The following CSMD1 variants were observed in gnomAD, a reference collection of about 807,000 sequenced individuals.
CSMD1 encodes the protein CUB and sushi domain-containing protein 1.
In CSMD1, 213 loss-of-function variants were observed where a neutral mutation model predicts 417.5. The observed-to-expected ratio is 0.51, with a 90% CI of 0.46 to 0.57. The LOEUF (loss-of-function observed/expected upper bound fraction) is 0.57. Ranked by LOEUF, CSMD1 falls within the 20% of genes least tolerant of loss-of-function variation. CSMD1 has a pLI of 0.00. For missense variants in CSMD1, 6,923 were observed against 4,529.7 expected (o/e 1.53, Z -15.17); for synonymous variants, 2,862 against 1,736.8 (o/e 1.65, Z -16.11).
intron 1 of CSMD1, among the ~76,000 whole-genome samples, chr8:4,792,448 T>A (rs1797743382): frequency 6.6e-6 from 1 of 152,214 alleles, no homozygotes; most frequent in African/African-American, 2.4e-5. Flanking sequence ...AGTCTATCTT[T>A]GAACTCATCA....
intron 8 of CSMD1, among the ~76,000 whole-genome samples, chr8:3,602,971 C>T (rs1271224359): frequency 1.3e-5 from 2 of 152,120 alleles, no homozygotes; most frequent in African/African-American, 2.4e-5. Context: ...AATTACTTTT[C>T]TACTACAGAT....
At chr8:3,771,377 G>A (rs1798565044) in intron 5 of CSMD1, among the ~76,000 whole-genome samples, 1 of 152,118 alleles carries the variant, frequency 6.6e-6, no homozygotes, top group Non-Finnish European at 1.5e-5. Flanking sequence ...TTCACACTCT[G>A]CAAAAAGAGT....
At chr8:3,753,622 G>A (rs1265804754) in intron 6 of CSMD1, among the ~76,000 whole-genome samples, 1 of 152,146 alleles carries the variant, frequency 6.6e-6, no homozygotes, top group East Asian at 1.9e-4. Flanking sequence ...TAGCCAAACT[G>A]CTGTGGATAT....
intron 3 of CSMD1, among the ~76,000 whole-genome samples, chr8:4,140,762 C>T (rs34701631): frequency 6.6e-6 from 1 of 150,568 alleles, no homozygotes; most frequent in African/African-American, 2.5e-5. Flanking sequence ...ATCTCCTCCC[C>T]TCCAGCTTTG....
At chr8:3,967,025 A>G (rs1014504431) in intron 5 of CSMD1, among the ~76,000 whole-genome samples, 1 of 152,146 alleles carries the variant, frequency 6.6e-6, no homozygotes, top group South Asian at 2.1e-4. Context: ...AATAATCTCC[A>G]AGGCCGTTTT....
chr8:3,901,984 T>C (rs575238426), intron 5 of CSMD1, among the ~76,000 whole-genome samples: 10 of 152,288 alleles, frequency 6.6e-5, no homozygotes, highest in African/African-American at 2.4e-4. Flanking sequence ...TGGCTGTTTC[T>C]CTTATTCTTT....
intron 1 of CSMD1, among the ~76,000 whole-genome samples, chr8:4,983,187 A>G (rs188763683): frequency 1.8e-4 from 27 of 152,358 alleles, no homozygotes; most frequent in Admixed American, 1.8e-3. Context: ...AAAGCTAATT[A>G]TGTTGACAAG....
At chr8:4,814,896 T>C (rs187320260) in intron 1 of CSMD1, among the ~76,000 whole-genome samples, 9 of 152,320 alleles carry the variant, frequency 5.9e-5, no homozygotes, top group East Asian at 3.9e-4. Flanking sequence ...AAAAACTATA[T>C]AATCACAAAA....
In CSMD1 at chr8:4,836,376, G is replaced by T. The variant is rs191201570; in HGVS notation, c.85+157956C>A. 5.1e-4 allele frequency among the ~76,000 whole-genome samples: 78 copies of T among 152,262 alleles called. 1 individual carries two copies. The highest frequency in any genetic ancestry group is 1.0e-4 in the Non-Finnish European group (7 of 68,020). ...TCTATGTGGAGCCATGCCACATCTT[G>T]CTGACTGACACTGACGCCTCAGCTG... On this transcript the variant is annotated intron_variant, in intron 1 of 69. Transcript: ENST00000635120.
At chr8:3,406,400 A>C (rs1169979839) in intron 14 of CSMD1, among the ~76,000 whole-genome samples, 179 bp from the exon 15 acceptor site, 4 of 152,190 alleles carry the variant, frequency 2.6e-5, no homozygotes, top group Non-Finnish European at 5.9e-5. Flanking sequence ...ATCAGTGTCT[A>C]GTGAGAAAGA....
intron 3 of CSMD1, among the ~76,000 whole-genome samples, chr8:4,361,481 T>C (rs1006219062): frequency 4.6e-5 from 7 of 152,084 alleles, no homozygotes; most frequent in Admixed American, 2.0e-4. Flanking sequence ...CATTATTGCA[T>C]TTCCACTTTA....
intron 7 of CSMD1, among the ~76,000 whole-genome samples, chr8:3,619,143 G>C (rs76419404): frequency 0.53 from 79,247 of 149,882 alleles, 20,850 homozygotes; most frequent in Middle Eastern, 0.6. Flanking sequence ...GAGAAGATGA[G>C]GTTAGATTCT....
intron 37 of CSMD1, among the ~76,000 whole-genome samples, chr8:3,164,338 T>C (rs180868145): frequency 3.3e-5 from 5 of 152,316 alleles, no homozygotes; most frequent in Non-Finnish European, 7.4e-5. Flanking sequence ...TTTTTAGAAG[T>C]ATGAAGTACC....
chr8:4,272,543 C>T (rs147316588), intron 3 of CSMD1, among the ~76,000 whole-genome samples: 64 of 152,268 alleles, frequency 4.2e-4, no homozygotes, highest in African/African-American at 1.4e-3. Flanking sequence ...AAGTGATTTG[C>T]TTCAAACTTG....
intron 4 of CSMD1, among the ~76,000 whole-genome samples, chr8:4,002,407 C>A (rs1182338110): frequency 1.3e-5 from 2 of 152,108 alleles, no homozygotes; most frequent in Non-Finnish European, 2.9e-5. Flanking sequence ...GAAGAGCTAC[C>A]TAACTAATAT....
At chr8:3,407,789 A>C (rs1563356323) in intron 14 of CSMD1, 110 bp downstream of exon 14, 6 of 925,470 alleles carry the variant, frequency 6.5e-6, no homozygotes, top group Non-Finnish European at 9.7e-6. Context: ...AATGATTATA[A>C]AACCTCTGAA....
chr8:4,234,749 G>C (rs1220036323), intron 3 of CSMD1, among the ~76,000 whole-genome samples: 1 of 152,146 alleles, frequency 6.6e-6, no homozygotes, highest in East Asian at 1.9e-4. Flanking sequence ...TGGAGTCGTG[G>C]CTGCTCCCAG....
At chr8:3,531,702 A>G (rs1797987736) in intron 10 of CSMD1, among the ~76,000 whole-genome samples, 1 of 152,174 alleles carries the variant, frequency 6.6e-6, no homozygotes, top group Non-Finnish European at 1.5e-5. Flanking sequence ...CCTCAGCAGA[A>G]CTTCCCTTGT....
intron 41 of CSMD1, among the ~76,000 whole-genome samples, chr8:3,140,758 G>A (rs573042041): frequency 1.3e-5 from 2 of 151,546 alleles, no homozygotes; most frequent in African/African-American, 2.4e-5. Flanking sequence ...TAGATTTAAC[G>A]TTTTCAACCT....
Sources: gnomAD v4.1 joint callset for allele counts (sites outside exome capture counted in the v4.1 genomes callset) on GRCh38, gnomAD v4.1.1 for gene constraint, MANE v1.5 for transcripts, NCBI Gene and HGNC (gene_info 2026-07-23, HGNC 2026-07-21) for gene names.